The following ITPR2 variants were observed in gnomAD, a reference collection of about 807,000 sequenced individuals.
ITPR2 encodes inositol 1,4,5-trisphosphate-gated calcium channel ITPR2.
Under a neutral mutation model 317.1 loss-of-function variants are expected in ITPR2, and 207 were observed. That is an observed-to-expected ratio of 0.65 (90% CI 0.58 to 0.73). ITPR2 has a LOEUF of 0.73. Among genes scored for constraint, ITPR2 ranks in the 30% least tolerant of loss-of-function variants. The probability of loss-of-function intolerance (pLI) is 0.00; values close to 1 mark genes in which losing one functional copy is unlikely to be tolerated. For synonymous variants in ITPR2, 1,156 were observed against 1,149.1 expected (o/e 1.01, Z -0.12); for missense variants, 2,613 against 3,284.0 (o/e 0.80, Z 4.99).
chr12:26,710,633 C>T (rs1283172597), intron 9 of ITPR2, among the ~76,000 whole-genome samples: 1 of 152,244 alleles, frequency 6.6e-6, no homozygotes, highest in East Asian at 1.9e-4. Flanking sequence ...TATCTTCTGA[C>T]ATCCTTCATA....
Position 26,340,340 on chromosome 12 carries a change from T to C in ITPR2, c.7858-12A>G. ...TCCAAATTCTTCTCCTGAAAGCAAA[T>C]AAATGTGTGCGAACAAGGGAATAAG... On this transcript the variant is annotated splice_polypyrimidine_tract_variant and intron_variant, in intron 55 of 56. Transcript: ENST00000381340. 6.3e-7 allele frequency: 1 copy of C among 1,588,886 alleles called. No individual in the cohort carries two copies. The highest frequency in any genetic ancestry group is 8.6e-7 in the Non-Finnish European group (1 of 1,166,566).
At chr12:26,780,133 C>T (rs971399491) in intron 2 of ITPR2, among the ~76,000 whole-genome samples, 1 of 152,194 alleles carries the variant, frequency 6.6e-6, no homozygotes, top group Non-Finnish European at 1.5e-5. Context: ...TACTCATGGG[C>T]TCAGTAATAT....
chr12:26,589,830 A>AT, intron 32 of ITPR2, among the ~76,000 whole-genome samples: 1 of 29,002 alleles, frequency 3.4e-5, no homozygotes, highest in African/African-American at 9.7e-5. Flanking sequence ...ATAAATAAAT[A>AT]AACATATATA....
chr12:26,663,696 G>C lies in ITPR2; in HGVS notation c.1702C>G (p.Arg568Gly). 1 of 1,609,286 alleles carries C rather than the reference G, an allele frequency of 6.2e-7. No homozygotes were observed. Among genetic ancestry groups the C allele is most frequent in the Non-Finnish European group, 8.5e-7 (1 of 1,178,574 alleles). ...GGCTACCCTCTGACCTGATTTTTCC[G>C]GTAATCCTGCTGCGAGTGTCTCAGG... ...RVLRHSQQDY[R>G]KNQEYIAKNF... Residue 568 changes from arginine to glycine, a missense_variant, in exon 15 of 57, where the codon CGG becomes GGG. Arg to Gly is a moderately radical substitution (Grantham distance 125, BLOSUM62 -2). This residue lies in a region of ITPR2 where 515 missense variants were observed against 789.4 expected (regional missense o/e 0.65). Coordinates refer to ENST00000381340, the MANE Select transcript of ITPR2 (RefSeq NM_002223.4).
intron 13 of ITPR2, among the ~76,000 whole-genome samples, chr12:26,680,867 G>A (rs1380379054): frequency 1.3e-5 from 2 of 152,102 alleles, no homozygotes; most frequent in Non-Finnish European, 2.9e-5. Flanking sequence ...GAGTCTTTTG[G>A]ACAGATGTTC....
intron 13 of ITPR2, among the ~76,000 whole-genome samples, chr12:26,666,388 G>A (rs886100587): frequency 1.6e-4 from 24 of 152,210 alleles, no homozygotes; most frequent in African/African-American, 4.6e-4. Context: ...CTCATCAAGC[G>A]TTTGCAGACT....
chr12:26,481,667 T>C (rs1374507510), intron 42 of ITPR2, among the ~76,000 whole-genome samples: 2 of 152,236 alleles, frequency 1.3e-5, no homozygotes, highest in East Asian at 3.8e-4. Flanking sequence ...CTGAGATTTG[T>C]AGGCAAATTT....
chr12:26,621,310 A>G lies in ITPR2; in HGVS notation c.3289-14T>C. 6.3e-7 allele frequency: 1 copy of G among 1,587,230 alleles called. No homozygotes were observed. The highest frequency in any genetic ancestry group is 8.6e-7 in the Non-Finnish European group (1 of 1,163,680). On this transcript the variant is annotated splice_polypyrimidine_tract_variant and intron_variant, in intron 25 of 56. Transcript: ENST00000381340. ...CAGTAATTGCACCTAAAACAGAAGA[A>G]TTTCAATCTTAGTTGAAGTTCACTA...
chr12:26,653,447 G>A (rs1215388072), intron 21 of ITPR2, among the ~76,000 whole-genome samples: 2 of 151,806 alleles, frequency 1.3e-5, no homozygotes, highest in South Asian at 2.1e-4. Flanking sequence ...TCACCATGTT[G>A]GCCAGGATGG....
chr12:26,719,638 A>G (rs1948799533), intron 5 of ITPR2, among the ~76,000 whole-genome samples: 1 of 152,186 alleles, frequency 6.6e-6, no homozygotes, highest in Non-Finnish European at 1.5e-5. Flanking sequence ...GTTTTAGGGT[A>G]CATGTGCACA....
At chr12:26,665,823 A>T in intron 14 of ITPR2, 87 bp downstream of exon 14, 1 of 1,163,620 alleles carries the variant, frequency 8.6e-7, no homozygotes, top group East Asian at 2.4e-5. Flanking sequence ...CATTTGCTTC[A>T]TAGTAATAGA....
chr12:26,593,736 T>TTTG (rs368285860), intron 32 of ITPR2, among the ~76,000 whole-genome samples: 30 of 144,462 alleles, frequency 2.1e-4, no homozygotes, highest in Non-Finnish European at 2.6e-4. Context: ...GCTATTTTTT[T>TTTG]GTTTTTTTTT....
intron 1 of ITPR2, among the ~76,000 whole-genome samples, chr12:26,829,935 G>A (rs1401096593): frequency 1.3e-5 from 2 of 151,920 alleles, no homozygotes; most frequent in African/African-American, 2.4e-5. Context: ...GCAGAGTCTC[G>A]CTCTGTCCCC....
intron 55 of ITPR2, among the ~76,000 whole-genome samples, chr12:26,342,355 A>G (rs1200535614): frequency 6.6e-6 from 1 of 152,004 alleles, no homozygotes; most frequent in Non-Finnish European, 1.5e-5. Context: ...TATTTATATT[A>G]CGTATTATCT....
At chr12:26,424,586 G>T (rs1342535147) in intron 49 of ITPR2, among the ~76,000 whole-genome samples, 21 of 88,698 alleles carry the variant, frequency 2.4e-4, no homozygotes, top group South Asian at 8.5e-4. Flanking sequence ...TTCGTTTTGT[G>T]TTTTTTTTTT....
Position 26,336,167 on chromosome 12 carries a change from G to A in ITPR2, c.*3230C>T, listed in dbSNP as rs910194874. On this transcript the variant is annotated 3_prime_UTR_variant, in exon 57 of 57. Coordinates refer to ENST00000381340, the MANE Select transcript of ITPR2 (RefSeq NM_002223.4). The stretch of plus-strand genomic sequence containing the variant: ...TTACCCCTCCTTTTCTCTAATGATA[G>A]AGTACTGGGAAGCAGAAATCCCTAT... Among the ~76,000 whole-genome samples, 1 of 152,066 alleles carries A rather than the reference G, an allele frequency of 6.6e-6. No homozygotes were observed. Among genetic ancestry groups the A allele is most frequent in the Non-Finnish European group, 1.5e-5 (1 of 68,026 alleles).
chr12:26,505,306 C>T (rs1278489844), intron 37 of ITPR2, among the ~76,000 whole-genome samples: 1 of 152,196 alleles, frequency 6.6e-6, no homozygotes, highest in Non-Finnish European at 1.5e-5. Context: ...CAATGCAACA[C>T]CTACAGATTT....
At chr12:26,636,424 T>C (rs1565656169) in intron 21 of ITPR2, among the ~76,000 whole-genome samples, 1 of 152,186 alleles carries the variant, frequency 6.6e-6, no homozygotes, top group African/African-American at 2.4e-5. Context: ...ACACCTGGAA[T>C]AGTGTCCGAT....
At chr12:26,392,456 C>T (rs1025849892) in intron 54 of ITPR2, among the ~76,000 whole-genome samples, 1 of 152,178 alleles carries the variant, frequency 6.6e-6, no homozygotes, top group African/African-American at 2.4e-5. Context: ...CCCACAGACA[C>T]AACCAGCTGT....
Sources: gnomAD v4.1 joint callset for allele counts (sites outside exome capture counted in the v4.1 genomes callset) on GRCh38, gnomAD v4.1.1 for gene constraint, gnomAD v4.1.1 regional missense constraint, MANE v1.5 for transcripts, NCBI Gene and HGNC (gene_info 2026-07-23, HGNC 2026-07-21) for gene names.